RBFOX3: variants seen among roughly 807,000 people sequenced by gnomAD.
RBFOX3 encodes the protein RNA binding protein fox-1 homolog 3.
In RBFOX3, 17 loss-of-function variants were observed where a neutral mutation model predicts 48.7. The observed-to-expected ratio is 0.35, with a 90% CI of 0.24 to 0.52. RBFOX3 has a LOEUF of 0.52. RBFOX3 is among the 20% of genes least tolerant of loss of function. The pLI is 0.94. For missense variants in RBFOX3, 382 were observed against 497.5 expected, an observed-to-expected ratio of 0.77 and a Z score of 2.21; for synonymous variants, 212 against 209.5, an observed-to-expected ratio of 1.01 and a Z score of -0.10.
At chr17:79,438,101 G>GGC (rs1164647532) in intron 2 of RBFOX3, among the ~76,000 whole-genome samples, 82 of 21,400 alleles carry the variant, frequency 3.8e-3, no homozygotes, top group East Asian at 0.013. Context: ...CAGGTGCACA[G>GGC]GCGCACACAC....
intron 2 of RBFOX3, among the ~76,000 whole-genome samples, chr17:79,441,604 C>T (rs1274249257): frequency 6.6e-6 from 1 of 152,214 alleles, no homozygotes. Context: ...AAGGAGTTAG[C>T]CCTGCCAATA....
At chr17:79,123,902 C>G (rs1677155031) in intron 4 of RBFOX3, among the ~76,000 whole-genome samples, 1 of 152,222 alleles carries the variant, frequency 6.6e-6, no homozygotes, top group Non-Finnish European at 1.5e-5. Context: ...CTTTACTTAC[C>G]ATTCCTCCAT....
intron 1 of RBFOX3, among the ~76,000 whole-genome samples, chr17:79,489,332 T>C (rs2080144510): frequency 6.6e-6 from 1 of 151,722 alleles, no homozygotes; most frequent in Non-Finnish European, 1.5e-5. Flanking sequence ...TCTCACTCTG[T>C]CACCCAGGCT....
At chr17:79,631,564 G>C in the RBFOX3 span, among the ~76,000 whole-genome samples, 3 of 152,160 alleles carry the variant, frequency 2.0e-5, no homozygotes, top group Non-Finnish European at 4.4e-5. Flanking sequence ...TGACCACACG[G>C]GGCCTGGGAG....
the RBFOX3 span, among the ~76,000 whole-genome samples, chr17:79,638,646 G>T: frequency 1.3e-5 from 2 of 152,194 alleles, no homozygotes; most frequent in East Asian, 3.9e-4. Flanking sequence ...GGAGGTGTTT[G>T]GGTCACAGGA....
At chr17:79,303,806 C>T (rs894973182) in intron 3 of RBFOX3, among the ~76,000 whole-genome samples, 5 of 151,782 alleles carry the variant, frequency 3.3e-5, no homozygotes, top group African/African-American at 4.8e-5. Context: ...CCTGCGTGTG[C>T]GGTACACAGT....
chr17:79,346,033 G>T (rs1350491595), intron 2 of RBFOX3, among the ~76,000 whole-genome samples: 1 of 152,072 alleles, frequency 6.6e-6, no homozygotes, highest in Non-Finnish European at 1.5e-5. Context: ...CAATTCTCCT[G>T]CCTTAGCCTC....
chr17:79,584,286 TG>T lies in RBFOX3; in HGVS notation c.-320+26539del, dbSNP rs1476255412. ...TTAGCAGGGAACACTTTTACACTGC[TG>T]GTGGGAATGTAAACTAGTACAGCCA... is the stretch of plus-strand genomic sequence containing the variant. On this transcript the variant is annotated intron_variant, in intron 1 of 14. Transcript: ENST00000693108. 4.6e-5 allele frequency among the ~76,000 whole-genome samples: 7 copies of T among 152,240 alleles called. No homozygotes were observed. The East Asian group carries it at 5.8e-4, about 13-fold the overall frequency.
chr17:79,090,574 G>A lies in RBFOX3; in HGVS notation c.*309C>T, dbSNP rs986704570. 1.5e-4 allele frequency: 62 copies of A among 402,378 alleles called. No homozygotes were observed. Among genetic ancestry groups the A allele is most frequent in the African/African-American group, 1.2e-3 (59 of 48,290 alleles). 24.9% of individuals were successfully genotyped at this position (402,378 alleles called of 1,614,324 possible). A position where few individuals can be genotyped will look rare whatever the true frequency, so the allele number is the denominator to read the frequency against. On this transcript the variant is annotated 3_prime_UTR_variant, in exon 15 of 15. Coordinates refer to ENST00000693108, the MANE Select transcript of RBFOX3 (RefSeq NM_001350451.2). The stretch of plus-strand genomic sequence containing the variant: ...AGAGCCCCCCACGGGTCCCACAAGG[G>A]AGGCCCCTTCCCCTCCAACTCCCCC...
intron 4 of RBFOX3, among the ~76,000 whole-genome samples, chr17:79,217,026 G>A (rs1056363573): frequency 1.3e-5 from 2 of 152,160 alleles, no homozygotes; most frequent in Non-Finnish European, 2.9e-5. Flanking sequence ...AGCAGGCAGG[G>A]GGCCCCCCAC....
chr17:79,156,456 C>CTCG (rs1391357486), intron 4 of RBFOX3, among the ~76,000 whole-genome samples: 1 of 152,168 alleles, frequency 6.6e-6, no homozygotes, highest in Non-Finnish European at 1.5e-5. Flanking sequence ...AGGGGAGAAC[C>CTCG]TCGCCTGAGC....
chr17:79,277,302 GA>G (rs772059683), intron 3 of RBFOX3, among the ~76,000 whole-genome samples: 12,577 of 87,292 alleles, frequency 0.14, 782 homozygotes, highest in Middle Eastern at 0.25. Flanking sequence ...CAATGGTGGG[GA>G]GGGGGGGGGT....
rs537004596 is a variant in RBFOX3 at position 79,359,833 on chromosome 17, C to T, written c.-174-52009G>A. Among the ~76,000 whole-genome samples the T allele has an allele frequency of 2.0e-5, 3 of 152,134 alleles. No homozygotes were observed. In the South Asian group the frequency reaches 6.2e-4, roughly 32 times the overall value. On this transcript the variant is annotated intron_variant, in intron 2 of 14. Coordinates refer to ENST00000693108, the MANE Select transcript of RBFOX3 (RefSeq NM_001350451.2). ...CTCAAACTCTTGGGCTCAAGTGATCCTCCCACCTCAGCCTCCTGAGCAGCA... is the reference window on the plus strand; with the variant it reads ...CTCAAACTCTTGGGCTCAAGTGATCTTCCCACCTCAGCCTCCTGAGCAGCA...
rs2061371476 is a variant in RBFOX3, at chr17:79,391,519, G to A, written c.-174-83695C>T. ...GTTCATGACTTGTCCGCCCAAATAC[G>A]GCAAATGCCACCGATTTTAATCTCA... On this transcript the variant is annotated intron_variant, in intron 2 of 14. Transcript: ENST00000693108. This position sits in a 1 kb window ranked among gnomAD's most constrained non-coding sequence, Gnocchi z 5.0. 2.0e-5 allele frequency among the ~76,000 whole-genome samples: 3 copies of A among 152,096 alleles called. No individual in the cohort carries two copies. Among genetic ancestry groups the A allele is most frequent in the Admixed American group, 2.0e-4 (3 of 15,278 alleles).
chr17:79,392,807 G>A lies in RBFOX3; in HGVS notation c.-174-84983C>T, dbSNP rs75399368. Among the ~76,000 whole-genome samples, 692 of 152,316 alleles carry A rather than the reference G, an allele frequency of 4.5e-3. 4 individuals carry two copies. Among genetic ancestry groups the A allele is most frequent in the African/African-American group, 0.016 (663 of 41,564 alleles). ...AATTGCTACAGATCTCTGATGTGGG[G>A]TTGTTTGTTACTGAGCATAACCTGC... On this transcript the variant is annotated intron_variant, in intron 2 of 14. Coordinates refer to ENST00000693108, the MANE Select transcript of RBFOX3 (RefSeq NM_001350451.2). The surrounding 1 kb of genome is among the most constrained non-coding windows in gnomAD (Gnocchi z 5.0).
At chr17:79,105,465 C>T (rs1215120444) in intron 6 of RBFOX3, among the ~76,000 whole-genome samples, 1 of 152,190 alleles carries the variant, frequency 6.6e-6, no homozygotes, top group Non-Finnish European at 1.5e-5. Context: ...GCCCCAGGCC[C>T]AGAGAAACCT....
chr17:79,317,156 G>C (rs2077650442), intron 2 of RBFOX3, among the ~76,000 whole-genome samples: 1 of 152,044 alleles, frequency 6.6e-6, no homozygotes, highest in African/African-American at 2.4e-5. Flanking sequence ...AGACAAAGAG[G>C]TGCAGGCTCC....
intron 2 of RBFOX3, among the ~76,000 whole-genome samples, chr17:79,372,761 C>T (rs186332972): frequency 3.3e-5 from 5 of 152,344 alleles, no homozygotes; most frequent in African/African-American, 1.2e-4. Context: ...GGGACTGTTG[C>T]CCACCTTTGC....
chr17:79,617,513 C>T, the RBFOX3 span, among the ~76,000 whole-genome samples: 1 of 152,200 alleles, frequency 6.6e-6, no homozygotes, highest in Non-Finnish European at 1.5e-5. Flanking sequence ...TTACTTGATC[C>T]TTTACTGCAG....
Sources: gnomAD v4.1 joint callset for allele counts (sites outside exome capture counted in the v4.1 genomes callset) on GRCh38, gnomAD v4.1.1 for gene constraint, Gnocchi (gnomAD v3.1) non-coding constraint, MANE v1.5 for transcripts, NCBI Gene and HGNC (gene_info 2026-07-23, HGNC 2026-07-21) for gene names.